The following IQCM variants were observed in gnomAD, a reference collection of about 807,000 sequenced individuals.
IQCM encodes the protein IQ domain-containing protein M.
Under a neutral mutation model 57.6 loss-of-function variants are expected in IQCM, and 45 were observed. That is an observed-to-expected ratio of 0.78 (90% CI 0.62 to 1.00). The LOEUF (loss-of-function observed/expected upper bound fraction) is 1.00. IQCM is among the 50% of genes least tolerant of loss of function. IQCM has a pLI of 0.00. For synonymous variants in IQCM, 148 were observed against 158.9 expected (o/e 0.93, Z 0.51); for missense variants, 468 against 511.6 (o/e 0.91, Z 0.82).
intron 7 of IQCM, among the ~76,000 whole-genome samples, chr4:149,654,502 G>A (rs965112719): frequency 2.6e-5 from 4 of 152,036 alleles, no homozygotes; most frequent in African/African-American, 7.3e-5. Flanking sequence ...TTCACCTTCC[G>A]CCATGAGTAA....
intron 7 of IQCM, among the ~76,000 whole-genome samples, chr4:149,640,445 T>A (rs1758086859): frequency 6.6e-6 from 1 of 152,238 alleles, no homozygotes; most frequent in African/African-American, 2.4e-5. Context: ...ATATACAATC[T>A]CACCTGGTCC....
chr4:149,634,062 T>A (rs1757519022), intron 7 of IQCM, among the ~76,000 whole-genome samples: 3 of 152,138 alleles, frequency 2.0e-5, no homozygotes, highest in Admixed American at 1.3e-4. Flanking sequence ...CAGACTGGAG[T>A]GCAGTAGCAT....
At chr4:149,634,921 G>T (rs1048323830) in intron 7 of IQCM, among the ~76,000 whole-genome samples, 1 of 152,148 alleles carries the variant, frequency 6.6e-6, no homozygotes, top group Non-Finnish European at 1.5e-5. Context: ...ATGGGTGCAT[G>T]GATAAAATAA....
intron 8 of IQCM, among the ~76,000 whole-genome samples, chr4:149,603,742 G>A (rs1301508471): frequency 6.6e-6 from 1 of 151,486 alleles, no homozygotes; most frequent in East Asian, 1.9e-4. Flanking sequence ...GTCAACTTCA[G>A]AACAAAGAAA....
At chr4:149,414,518 A>G (rs1733608538) in intron 13 of IQCM, among the ~76,000 whole-genome samples, 1 of 152,138 alleles carries the variant, frequency 6.6e-6, no homozygotes, top group South Asian at 2.1e-4. Context: ...ACAGAGCCAT[A>G]TATTAGTGAA....
chr4:149,672,620 G>A (rs1042854480), intron 7 of IQCM, among the ~76,000 whole-genome samples: 2 of 152,178 alleles, frequency 1.3e-5, no homozygotes, highest in African/African-American at 4.8e-5. Context: ...AGAAATATGA[G>A]ACTATGTGAA....
At chr4:149,593,222 T>G (rs1249291048) in intron 8 of IQCM, among the ~76,000 whole-genome samples, 1 of 152,104 alleles carries the variant, frequency 6.6e-6, no homozygotes, top group African/African-American at 2.4e-5. Context: ...GAAGCAATTG[T>G]GAATGGGAGT....
chr4:149,771,004 A>T (rs1349868616), intron 2 of IQCM, among the ~76,000 whole-genome samples: 3 of 152,080 alleles, frequency 2.0e-5, no homozygotes, highest in Admixed American at 6.5e-5. Flanking sequence ...TTATATGTCC[A>T]GTGCTCATTC....
At chr4:149,704,404 C>T (rs1764002851) in intron 5 of IQCM, among the ~76,000 whole-genome samples, 1 of 151,854 alleles carries the variant, frequency 6.6e-6, no homozygotes, top group Non-Finnish European at 1.5e-5. Context: ...TATTGGTACA[C>T]AGCCAACCAA....
At chr4:149,767,767 T>C (rs916051632) in intron 2 of IQCM, among the ~76,000 whole-genome samples, 8 of 152,126 alleles carry the variant, frequency 5.3e-5, no homozygotes, top group African/African-American at 1.7e-4. Flanking sequence ...ATCATCACTC[T>C]TATCATTAAC....
intron 9 of IQCM, among the ~76,000 whole-genome samples, chr4:149,566,891 C>T (rs1750686766): frequency 6.6e-6 from 1 of 152,138 alleles, no homozygotes; most frequent in Non-Finnish European, 1.5e-5. Flanking sequence ...GAAGCTAATA[C>T]ACTAAATTTT....
At chr4:149,353,457 A>G (rs1410691111) in intron 13 of IQCM, among the ~76,000 whole-genome samples, 3 of 152,198 alleles carry the variant, frequency 2.0e-5, no homozygotes, top group Non-Finnish European at 4.4e-5. Context: ...AAATGAAATC[A>G]CCACCTTGTA....
chr4:149,421,550 G>C (rs967713596), intron 13 of IQCM, among the ~76,000 whole-genome samples: 2 of 151,882 alleles, frequency 1.3e-5, no homozygotes, highest in African/African-American at 4.8e-5. Flanking sequence ...TATACACACA[G>C]CTGTCAATAT....
intron 8 of IQCM, among the ~76,000 whole-genome samples, chr4:149,606,818 C>A (rs533722358): frequency 6.6e-6 from 1 of 151,780 alleles, no homozygotes; most frequent in African/African-American, 2.4e-5. Context: ...TCAAGCAGGA[C>A]AAATAATTAG....
At chr4:149,489,766 T>C (rs1007708861) in intron 12 of IQCM, among the ~76,000 whole-genome samples, 2 of 151,730 alleles carry the variant, frequency 1.3e-5, no homozygotes, top group Non-Finnish European at 2.9e-5. Context: ...TCAATACATA[T>C]ATGTGTGTGT....
chr4:149,475,624 G>A (rs983457746), intron 12 of IQCM, among the ~76,000 whole-genome samples: 2 of 152,062 alleles, frequency 1.3e-5, no homozygotes. Flanking sequence ...TTGGGGTCTT[G>A]TAGCACTGAG....
intron 2 of IQCM, among the ~76,000 whole-genome samples, chr4:149,813,304 G>T (rs1774758249): frequency 6.6e-6 from 1 of 151,932 alleles, no homozygotes; most frequent in Non-Finnish European, 1.5e-5. Flanking sequence ...GTGTTCTAGG[G>T]TAATATAAAA....
At chr4:149,679,888 C>A (rs773343842) in intron 7 of IQCM, among the ~76,000 whole-genome samples, 2 of 150,992 alleles carry the variant, frequency 1.3e-5, no homozygotes, top group Non-Finnish European at 3.0e-5. Context: ...TTAACATGAA[C>A]AAAAAAATTA....
At chr4:149,686,870 T>C (rs1201894686) in intron 5 of IQCM, among the ~76,000 whole-genome samples, 1 of 151,520 alleles carries the variant, frequency 6.6e-6, no homozygotes, top group Non-Finnish European at 1.5e-5. Context: ...TTGGCAAATC[T>C]CTAGTTCCTA....
Sources: gnomAD v4.1 joint callset for allele counts (sites outside exome capture counted in the v4.1 genomes callset) on GRCh38, gnomAD v4.1.1 for gene constraint, MANE v1.5 for transcripts, NCBI Gene and HGNC (gene_info 2026-07-23, HGNC 2026-07-21) for gene names.